The following PTPRT variants were observed in gnomAD, a reference collection of about 807,000 sequenced individuals.
The protein encoded by PTPRT is receptor-type tyrosine-protein phosphatase T.
Under a neutral mutation model 176.8 loss-of-function variants are expected in PTPRT, and 56 were observed. The ratio of observed to expected loss-of-function variants is 0.32; its 90% confidence interval spans 0.26 to 0.40. The LOEUF is 0.40. Ranked by LOEUF, PTPRT falls within the 10% of genes least tolerant of loss-of-function variation. The pLI is 1.00. For synonymous variants in PTPRT, 783 were observed against 739.0 expected, an observed-to-expected ratio of 1.06 and a Z score of -0.96; for missense variants, 1,540 against 1,908.2, an observed-to-expected ratio of 0.81 and a Z score of 3.60.
chr20:42,474,063 C>A (rs115542056), intron 7 of PTPRT, among the ~76,000 whole-genome samples: 4,734 of 152,198 alleles, frequency 0.031, 226 homozygotes, highest in African/African-American at 0.11. Context: ...ACTTAATAAG[C>A]ACTCTACGTA....
chr20:42,150,863 C>T (rs963723914), intron 17 of PTPRT, among the ~76,000 whole-genome samples: 6 of 152,116 alleles, frequency 3.9e-5, no homozygotes, highest in African/African-American at 1.4e-4. Flanking sequence ...TTTATTAAAA[C>T]TCATAAAACT....
chr20:42,532,019 T>C (rs1222690761), intron 7 of PTPRT, among the ~76,000 whole-genome samples: 1 of 152,102 alleles, frequency 6.6e-6, no homozygotes, highest in Non-Finnish European at 1.5e-5. Flanking sequence ...CACTGTAGTG[T>C]AGTCAGTGGC....
rs11467404 is a variant in PTPRT, at chr20:42,502,405, AACACACACACACAC to A, written c.1154-29857_1154-29844del. Among the ~76,000 whole-genome samples, 857 of 137,410 alleles carry A rather than the reference AACACACACACACAC, an allele frequency of 6.2e-3. 7 individuals are homozygous for A. The highest frequency in any genetic ancestry group is 0.022 in the East Asian group (102 of 4,596). 90.1% of individuals were successfully genotyped at this position (137,410 alleles called of 152,430 possible). On this transcript the variant is annotated intron_variant, in intron 7 of 30. Coordinates refer to ENST00000373187, the MANE Select transcript of PTPRT (RefSeq NM_007050.6). ...CTAGAAAAAATTACATATGTATACA[AACACACACACACAC>A]ACACACACACACACACACACACACA... is the stretch of plus-strand genomic sequence containing the variant.
In PTPRT at chr20:42,203,683, G is replaced by A. The variant is rs368822010; in HGVS notation, c.2343-4295C>T. On this transcript the variant is annotated intron_variant, in intron 15 of 30. Transcript: ENST00000373187. ...TCTCTGCTAAATACTAGAAGATCAT[G>A]TCTTCTTGACCTTAATCCACATGGA... is the stretch of plus-strand genomic sequence containing the variant. Among the ~76,000 whole-genome samples the A allele has an allele frequency of 3.3e-5, 5 of 152,184 alleles. No homozygotes were observed. In the East Asian group the frequency reaches 5.8e-4, roughly 18 times the overall value.
chr20:42,617,117 A>C (rs1372707058), intron 7 of PTPRT, among the ~76,000 whole-genome samples: 5 of 137,602 alleles, frequency 3.6e-5, no homozygotes, highest in Admixed American at 1.4e-4. Context: ...CCTCCCATCA[A>C]TACCTAATTT....
chr20:42,079,683 A>G lies in PTPRT; in HGVS notation c.*1196T>C, dbSNP rs949729421. 4 of 228,892 alleles carry G rather than the reference A, an allele frequency of 1.7e-5. No individual in the cohort carries two copies. The highest frequency in any genetic ancestry group is 8.9e-5 in the African/African-American group (4 of 45,096). 14.2% of individuals were successfully genotyped at this position (228,892 alleles called of 1,614,324 possible). On this transcript the variant is annotated 3_prime_UTR_variant, in exon 31 of 31. Transcript: ENST00000373187. The stretch of plus-strand genomic sequence containing the variant: ...TAAATCAAAGTATAATGGGCTCCAC[A>G]ATGGCCTTTTTCAAGGTGGCTGCTG...
At chr20:42,735,349 G>A (rs979415498) in intron 6 of PTPRT, among the ~76,000 whole-genome samples, 1 of 152,092 alleles carries the variant, frequency 6.6e-6, no homozygotes, top group Non-Finnish European at 1.5e-5. Flanking sequence ...GGACCAGGAG[G>A]AATTGGAGGA....
chr20:42,087,124 C>A (rs1984047914), intron 27 of PTPRT, among the ~76,000 whole-genome samples: 1 of 151,754 alleles, frequency 6.6e-6, no homozygotes, highest in African/African-American at 2.4e-5. Context: ...GGAGAGGATG[C>A]TACTCAACAT....
chr20:42,676,016 G>C (rs1600589625), intron 7 of PTPRT, among the ~76,000 whole-genome samples: 2 of 152,250 alleles, frequency 1.3e-5, no homozygotes, highest in African/African-American at 4.8e-5. Context: ...CCTTCCATAA[G>C]CTCATCACCA....
intron 8 of PTPRT, among the ~76,000 whole-genome samples, chr20:42,454,327 T>C (rs2070884435): frequency 6.6e-6 from 1 of 152,182 alleles, no homozygotes; most frequent in Non-Finnish European, 1.5e-5. Flanking sequence ...ATTGAACATA[T>C]ATATAAGATT....
At chr20:42,916,060 C>T (rs1299654101) in intron 1 of PTPRT, among the ~76,000 whole-genome samples, 1 of 151,318 alleles carries the variant, frequency 6.6e-6, no homozygotes, top group African/African-American at 2.4e-5. Context: ...GTGTGCTGTA[C>T]CCATTAACTC....
chr20:42,756,625 G>A lies in PTPRT; in HGVS notation c.696C>T (p.Gly232=), dbSNP rs1250111774. Reference sequence around the variant, plus strand: ...GGGTGACCATCAGGGCCGTGTCCCTGCCATTCCATTGCTGCAGAACAGAGG... The same window carrying A: ...GGGTGACCATCAGGGCCGTGTCCCTACCATTCCATTGCTGCAGAACAGAGG... ...HDKLWLQQWN[G]RDTALMVTRV... Residue 232 remains glycine, a synonymous_variant, in exon 6 of 31, where the codon GGC becomes GGT. Coordinates refer to ENST00000373187, the MANE Select transcript of PTPRT (RefSeq NM_007050.6). 8 of 1,590,344 alleles carry A rather than the reference G, an allele frequency of 5.0e-6. No homozygotes were observed. Among genetic ancestry groups the A allele is most frequent in the African/African-American group, 1.3e-5 (1 of 74,302 alleles).
At chr20:42,356,977 G>A (rs758323375) in intron 9 of PTPRT, among the ~76,000 whole-genome samples, 5 of 151,974 alleles carry the variant, frequency 3.3e-5, no homozygotes, top group Non-Finnish European at 5.9e-5. Context: ...CACCCTTAGC[G>A]GACCTCACTT....
chr20:42,360,795 C>A (rs2058422493), intron 9 of PTPRT, among the ~76,000 whole-genome samples: 1 of 152,188 alleles, frequency 6.6e-6, no homozygotes, highest in African/African-American at 2.4e-5. Flanking sequence ...CTCATTGGAA[C>A]CCTGCAGCCA....
At chr20:42,032,922 T>C in the PTPRT span, among the ~76,000 whole-genome samples, 1 of 152,318 alleles carries the variant, frequency 6.6e-6, no homozygotes. Context: ...TGAGCTTGGA[T>C]GTAGAGCCTT....
At chr20:42,726,282 T>C (rs1036075776) in intron 6 of PTPRT, among the ~76,000 whole-genome samples, 7 of 152,130 alleles carry the variant, frequency 4.6e-5, no homozygotes, top group Admixed American at 2.0e-4. Flanking sequence ...TTTCACCATG[T>C]TGGCCAGACT....
chr20:42,347,363 C>T (rs548665913), intron 11 of PTPRT, among the ~76,000 whole-genome samples: 1 of 152,318 alleles, frequency 6.6e-6, no homozygotes, highest in Non-Finnish European at 1.5e-5. Context: ...CTCCCCAACT[C>T]ACACAACTGC....
intron 1 of PTPRT, among the ~76,000 whole-genome samples, chr20:43,156,476 G>A (rs1165139323): frequency 6.6e-6 from 1 of 152,200 alleles, no homozygotes; most frequent in African/African-American, 2.4e-5. Context: ...ATGGCACAGA[G>A]ACAGACAGAC....
At chr20:42,945,397 G>A (rs1043521249) in intron 1 of PTPRT, among the ~76,000 whole-genome samples, 4 of 152,102 alleles carry the variant, frequency 2.6e-5, no homozygotes, top group East Asian at 1.9e-4. Context: ...ATTTAAATCC[G>A]GCCACTGAGG....
Sources: allele counts gnomAD v4.1 joint callset (sites outside exome capture counted in the v4.1 genomes callset), GRCh38; gene constraint gnomAD v4.1.1; transcripts MANE v1.5; gene names NCBI Gene and HGNC (gene_info 2026-07-23, HGNC 2026-07-21).